ACAD11: variants seen among roughly 807,000 people sequenced by gnomAD.
ACAD11 encodes acyl-CoA dehydrogenase family member 11.
ACAD11 carries 83 observed loss-of-function variants against 102.2 expected under a neutral mutation model. The ratio of observed to expected loss-of-function variants is 0.81; its 90% CI spans 0.68 to 0.97. ACAD11 has a LOEUF of 0.97. Among genes scored for constraint, ACAD11 ranks in the 50% least tolerant of loss-of-function variants. ACAD11 has a pLI of 0.00. For missense variants in ACAD11, 901 were observed against 951.7 expected (o/e 0.95, Z 0.70); for synonymous variants, 324 against 319.8 (o/e 1.01, Z -0.14).
intron 1 of ACAD11, among the ~76,000 whole-genome samples, chr3:132,646,792 A>C (rs1438279567): frequency 6.6e-6 from 1 of 152,244 alleles, no homozygotes; most frequent in Non-Finnish European, 1.5e-5. Flanking sequence ...TCCATGCTAC[A>C]ACATGGATGA....
chr3:132,582,698 C>T (rs1273592085), intron 13 of ACAD11, among the ~76,000 whole-genome samples: 2 of 151,680 alleles, frequency 1.3e-5, no homozygotes. Flanking sequence ...AAAAAAACAC[C>T]TAAAATAGAT....
intron 13 of ACAD11, among the ~76,000 whole-genome samples, chr3:132,580,973 A>C (rs753472674): frequency 1.3e-5 from 2 of 152,024 alleles, no homozygotes; most frequent in Non-Finnish European, 2.9e-5. Flanking sequence ...AGAGAAAAAC[A>C]GAGGGAATAA....
chr3:132,644,325 T>G (rs1456964324), intron 2 of ACAD11, among the ~76,000 whole-genome samples: 3 of 152,224 alleles, frequency 2.0e-5, no homozygotes, highest in Non-Finnish European at 4.4e-5. Flanking sequence ...TCTTTTAGAA[T>G]TCTCACTGTC....
At position 132,559,830 on chromosome 3, in the gene ACAD11, C is replaced by T; in HGVS notation, c.2228+3G>A. The T allele has an allele frequency of 6.2e-7, 1 of 1,610,520 alleles. No homozygotes were observed. The highest frequency in any genetic ancestry group is 8.5e-7 in the Non-Finnish European group (1 of 1,177,454). On this transcript the variant is annotated splice_donor_region_variant and intron_variant, in intron 19 of 19. Transcript: ENST00000264990. The stretch of plus-strand genomic sequence containing the variant: ...AGATGATTCTTAAATGACATCTACT[C>T]ACATGTTAGCCAGAGGGTAATCCTG...
chr3:132,612,775 G>C (rs556293449), intron 11 of ACAD11, among the ~76,000 whole-genome samples: 1 of 152,118 alleles, frequency 6.6e-6, no homozygotes, highest in East Asian at 1.9e-4. Context: ...TACACTGTTG[G>C]TGGGACTGTA....
chr3:132,635,768 C>G (rs902726413), intron 5 of ACAD11, among the ~76,000 whole-genome samples: 4 of 152,060 alleles, frequency 2.6e-5, no homozygotes, highest in African/African-American at 9.7e-5. Context: ...GCAAGGCAAT[C>G]AAAACTTTGC....
At chr3:132,586,013 A>C (rs1937804336) in intron 13 of ACAD11, among the ~76,000 whole-genome samples, 1 of 152,310 alleles carries the variant, frequency 6.6e-6, no homozygotes, top group East Asian at 1.9e-4. Flanking sequence ...AGGATTATAA[A>C]TCATGCTGCT....
Position 132,641,958 on chromosome 3 carries a change from T to G in ACAD11, c.537+14A>C. ...AGAACTTGAAAAAAATAGCTATTAA[T>G]GTGGATGCATTACCTGTCTTTTGCA... On this transcript the variant is annotated intron_variant, in intron 4 of 19. Transcript: ENST00000264990. The G allele has an allele frequency of 6.3e-7, 1 of 1,586,148 alleles. No individual in the cohort carries two copies. The highest frequency in any genetic ancestry group is 8.6e-7 in the Non-Finnish European group (1 of 1,163,184).
intron 11 of ACAD11, among the ~76,000 whole-genome samples, chr3:132,616,090 C>A (rs540733202): frequency 7.9e-5 from 12 of 152,198 alleles, no homozygotes; most frequent in Admixed American, 7.9e-4. Flanking sequence ...GGAAATGATC[C>A]AAAATGCAAT....
intron 11 of ACAD11, among the ~76,000 whole-genome samples, chr3:132,609,285 A>G (rs1939003084): frequency 6.6e-6 from 1 of 152,320 alleles, no homozygotes; most frequent in African/African-American, 2.4e-5. Flanking sequence ...AGAAATAACC[A>G]AGATCAGAGC....
chr3:132,653,760 T>C (rs982087407), intron 1 of ACAD11, among the ~76,000 whole-genome samples: 5 of 152,158 alleles, frequency 3.3e-5, no homozygotes, highest in Non-Finnish European at 5.9e-5. Flanking sequence ...CCCCCACCTC[T>C]TTGGCCACTT....
chr3:132,590,976 T>C (rs1211117385), intron 13 of ACAD11, among the ~76,000 whole-genome samples: 2 of 152,254 alleles, frequency 1.3e-5, no homozygotes, highest in African/African-American at 4.8e-5. Context: ...CTGCTGATAG[T>C]TTCTTTTGCT....
intron 11 of ACAD11, among the ~76,000 whole-genome samples, chr3:132,610,830 T>G (rs1231126951): frequency 2.0e-5 from 3 of 152,118 alleles, no homozygotes; most frequent in Non-Finnish European, 4.4e-5. Context: ...CTGAAACTAT[T>G]CCTATTCATG....
intron 11 of ACAD11, among the ~76,000 whole-genome samples, chr3:132,607,881 G>C (rs559562378): frequency 6.6e-6 from 1 of 152,052 alleles, no homozygotes; most frequent in African/African-American, 2.4e-5. Flanking sequence ...GAGAGGTCAG[G>C]TTACCCACAA....
intron 17 of ACAD11, among the ~76,000 whole-genome samples, chr3:132,575,508 TAAAGAACAAG>T (rs1937509756): frequency 6.6e-6 from 1 of 152,166 alleles, no homozygotes. Flanking sequence ...CCAGGTTCTC[TAAAGAACAAG>T]AATCTGAGAA....
chr3:132,590,404 T>C (rs1284399950), intron 13 of ACAD11, among the ~76,000 whole-genome samples: 1 of 152,104 alleles, frequency 6.6e-6, no homozygotes, highest in Non-Finnish European at 1.5e-5. Context: ...ATTACAGGCA[T>C]GGCCACCATG....
chr3:132,654,444 C>T (rs1937673759), intron 1 of ACAD11: 1 of 152,156 alleles, frequency 6.6e-6, no homozygotes, highest in South Asian at 2.1e-4. Flanking sequence ...GTGTGGTGGA[C>T]TGAGGTGATA....
intron 17 of ACAD11, among the ~76,000 whole-genome samples, chr3:132,570,855 G>A (rs1012742678): frequency 6.6e-6 from 1 of 152,078 alleles, no homozygotes; most frequent in South Asian, 2.1e-4. Flanking sequence ...TCTTTTTACG[G>A]CTGCATAATG....
intron 13 of ACAD11, among the ~76,000 whole-genome samples, chr3:132,584,001 G>C (rs1937680607): frequency 6.6e-6 from 1 of 152,172 alleles, no homozygotes; most frequent in African/African-American, 2.4e-5. Flanking sequence ...TTTTGGAATA[G>C]GTGTGGTGTG....
Sources: allele counts gnomAD v4.1 joint callset (sites outside exome capture counted in the v4.1 genomes callset), GRCh38; gene constraint gnomAD v4.1.1; transcripts MANE v1.5; gene names NCBI Gene and HGNC (gene_info 2026-07-23, HGNC 2026-07-21).